Variants in IQGAP2 observed in about 807,000 individuals in gnomAD.
The protein encoded by IQGAP2 is ras GTPase-activating-like protein IQGAP2.
A neutral mutation model predicts 201.3 loss-of-function variants in IQGAP2; 173 were observed. The observed-to-expected ratio is 0.86, with a 90% CI of 0.76 to 0.98. The LOEUF is 0.98. Among genes scored for constraint, IQGAP2 ranks in the 50% least tolerant of loss-of-function variants. IQGAP2 has a pLI of 0.00. For missense variants in IQGAP2, 1,687 were observed against 1,864.8 expected (o/e 0.90, Z 1.76); for synonymous variants, 675 against 673.9 (o/e 1.00, Z -0.03).
intron 13 of IQGAP2, chr5:76,623,310 G>A: frequency 1.3e-6 from 2 of 1,525,972 alleles, no homozygotes; most frequent in South Asian, 1.1e-5. Flanking sequence ...AGTTCCATGT[G>A]TCAGCAGCAA....
intron 3 of IQGAP2, among the ~76,000 whole-genome samples, chr5:76,565,306 G>A (rs1476205711): frequency 6.6e-6 from 1 of 152,086 alleles, no homozygotes; most frequent in South Asian, 2.1e-4. Context: ...CTCGCTGCAG[G>A]GTCTGCCTAG....
At chr5:76,690,677 C>T (rs1351552415) in intron 30 of IQGAP2, among the ~76,000 whole-genome samples, 1 of 152,068 alleles carries the variant, frequency 6.6e-6, no homozygotes, top group Non-Finnish European at 1.5e-5. Context: ...GAAATTAATT[C>T]TAATAATATA....
At chr5:76,503,701 C>A (rs1359610451) in intron 2 of IQGAP2, among the ~76,000 whole-genome samples, 1 of 152,064 alleles carries the variant, frequency 6.6e-6, no homozygotes, top group Non-Finnish European at 1.5e-5. Context: ...AGGTGATTCT[C>A]CTGCCTCAGC....
intron 13 of IQGAP2, among the ~76,000 whole-genome samples, chr5:76,619,380 C>T (rs1749362804): frequency 6.6e-6 from 1 of 152,110 alleles, no homozygotes. Context: ...CAATTTTGAA[C>T]AGAGGAATGA....
rs1429560236 is a variant in IQGAP2, at chr5:76,496,781, C to CTT, written c.146+35114_146+35115dup. The stretch of plus-strand genomic sequence containing the variant: ...TCTTTCTTTCTTTCTTTCTTTCTTT[C>CTT]TTTCTTTCTTTCTCTTTCTTTCTTT... On this transcript the variant is annotated intron_variant, in intron 2 of 35. Transcript: ENST00000274364. Among the ~76,000 whole-genome samples the CTT allele has an allele frequency of 4.4e-5, 4 of 91,496 alleles. 1 individual carries two copies. Among genetic ancestry groups the CTT allele is most frequent in the African/African-American group, 1.7e-4 (3 of 18,040 alleles). 60.0% of individuals were successfully genotyped at this position (91,496 alleles called of 152,430 possible). A position where few individuals can be genotyped will look rare whatever the true frequency, so the allele number is the denominator to read the frequency against.
At chr5:76,652,073 G>A (rs919263748) in intron 17 of IQGAP2, among the ~76,000 whole-genome samples, 1 of 152,172 alleles carries the variant, frequency 6.6e-6, no homozygotes, top group Non-Finnish European at 1.5e-5. Flanking sequence ...AAATGAATTG[G>A]AATAAACTGT....
In IQGAP2 at chr5:76,701,103, T is replaced by C; in HGVS notation, c.4395T>C (p.Asp1465=). The C allele has an allele frequency of 6.2e-7, 1 of 1,614,100 alleles. No homozygotes were observed. Among genetic ancestry groups the C allele is most frequent in the Non-Finnish European group, 8.5e-7 (1 of 1,179,994 alleles). ...ATACTCGGAGATCAATTAAACTAGA[T>C]GGAAAAGGAGAACCCAAAGGGGCGA... ...RKNTRRSIKL[D]GKGEPKGAKR... is the part of the protein sequence containing the mutation. The change falls in exon 34 of 36, where the codon GAT becomes GAC. Residue 1465 remains aspartate, a synonymous_variant. Coordinates refer to ENST00000274364, the MANE Select transcript of IQGAP2 (RefSeq NM_006633.5).
chr5:76,703,653 CAAAA>C (rs60408771), intron 35 of IQGAP2, among the ~76,000 whole-genome samples: 3 of 135,724 alleles, frequency 2.2e-5, no homozygotes, highest in Non-Finnish European at 3.1e-5. Context: ...AGTTTCTGTG[CAAAA>C]AAAAAAAAAA....
intron 5 of IQGAP2, among the ~76,000 whole-genome samples, chr5:76,579,174 C>T (rs1561479776): frequency 6.6e-6 from 1 of 152,066 alleles, no homozygotes; most frequent in Non-Finnish European, 1.5e-5. Flanking sequence ...TTCTGTAAGA[C>T]CCATACTACA....
chr5:76,693,391 G>C lies in IQGAP2; in HGVS notation c.3942G>C (p.Gln1314His). The C allele has an allele frequency of 6.2e-7, 1 of 1,613,960 alleles. No individual in the cohort carries two copies. The highest frequency in any genetic ancestry group is 8.5e-7 in the Non-Finnish European group (1 of 1,179,874). Residue 1314 changes from glutamine (Q) to histidine (H), a missense_variant, in exon 31 of 36, where the codon CAG (glutamine) becomes CAC (histidine). Physicochemically the swap from Gln to His is conservative, Grantham distance 24. Transcript: ENST00000274364. ...KKLIIDVIRN[Q>H]PGNTLTEILE... ...TGATAATTGATGTGATCCGGAACCA[G>C]CCAGGGAACACATTGACAGAAATCT...
intron 2 of IQGAP2, chr5:76,547,380 A>C (rs1395452833): frequency 1.1e-6 from 1 of 909,986 alleles, no homozygotes; most frequent in African/African-American, 1.8e-5. Flanking sequence ...TTATTTAACA[A>C]TTCCATATTG....
At chr5:76,518,112 C>G (rs2150190798) in intron 2 of IQGAP2, among the ~76,000 whole-genome samples, 1 of 152,228 alleles carries the variant, frequency 6.6e-6, no homozygotes, top group Non-Finnish European at 1.5e-5. Context: ...CACGCACCAC[C>G]ATGCCCAGGT....
At position 76,671,990 on chromosome 5, in the gene IQGAP2, G is replaced by C; in HGVS notation, c.3068+7G>C. The C allele has an allele frequency of 3.8e-6, 6 of 1,585,750 alleles. No homozygotes were observed. Among genetic ancestry groups the C allele is most frequent in the Non-Finnish European group, 5.2e-6 (6 of 1,155,390 alleles). Reference sequence around the variant, plus strand: ...CACAGACTGGAGAGGCCAGGTAATAGAATCAGGAAGGTGTTGGTCTTCTGT... The same window carrying C: ...CACAGACTGGAGAGGCCAGGTAATACAATCAGGAAGGTGTTGGTCTTCTGT... On this transcript the variant is annotated splice_region_variant and intron_variant, in intron 24 of 35. Coordinates refer to ENST00000274364, the MANE Select transcript of IQGAP2 (RefSeq NM_006633.5).
intron 12 of IQGAP2, chr5:76,607,061 TCTCTC>T (rs1747861614): frequency 1.3e-5 from 2 of 152,328 alleles, no homozygotes; most frequent in East Asian, 3.9e-4. Context: ...AAATCATTGA[TCTCTC>T]CTCCACCTTC....
chr5:76,406,662 C>T (rs182524688), intron 1 of IQGAP2, among the ~76,000 whole-genome samples: 482 of 152,300 alleles, frequency 3.2e-3, no homozygotes, highest in Non-Finnish European at 5.0e-3. Context: ...CATGATCTGT[C>T]GTAAGTTTTG....
At chr5:76,617,485 A>G (rs1009674089) in intron 13 of IQGAP2, 7 of 881,636 alleles carry the variant, frequency 7.9e-6, no homozygotes, top group East Asian at 2.5e-5. Flanking sequence ...CATATTTCTT[A>G]GGAGCTCGGA....
intron 30 of IQGAP2, among the ~76,000 whole-genome samples, chr5:76,684,609 A>G (rs915444143): frequency 2.0e-5 from 3 of 152,236 alleles, no homozygotes; most frequent in African/African-American, 7.2e-5. Flanking sequence ...TACAAACCCA[A>G]GAATGCATAT....
intron 10 of IQGAP2, among the ~76,000 whole-genome samples, chr5:76,598,916 G>A (rs1747226906): frequency 6.6e-6 from 1 of 152,074 alleles, no homozygotes; most frequent in Non-Finnish European, 1.5e-5. Context: ...AATATTAAGT[G>A]GGAAAAATAA....
intron 14 of IQGAP2, among the ~76,000 whole-genome samples, chr5:76,630,651 A>T (rs1006695331): frequency 3.9e-5 from 6 of 152,106 alleles, no homozygotes; most frequent in African/African-American, 1.4e-4. Context: ...TCATGTGATA[A>T]TTTTTGTCAT....
Sources: allele counts gnomAD v4.1 joint callset (sites outside exome capture counted in the v4.1 genomes callset), GRCh38; gene constraint gnomAD v4.1.1; transcripts MANE v1.5; gene names NCBI Gene and HGNC (gene_info 2026-07-23, HGNC 2026-07-21).